Variants in SIMC1 observed in about 807,000 individuals in gnomAD.
The protein encoded by SIMC1 is SUMO interacting motifs containing 1.
Under a neutral mutation model 82.3 loss-of-function variants are expected in SIMC1, and 55 were observed. The ratio of observed to expected loss-of-function variants is 0.67; its 90% confidence interval spans 0.54 to 0.84. The LOEUF is 0.84. Ranked by LOEUF, SIMC1 falls within the 40% of genes least tolerant of loss-of-function variation. The pLI is 0.00. For missense variants in SIMC1, 915 were observed against 1,107.2 expected (o/e 0.83, Z 2.46); for synonymous variants, 353 against 426.3 (o/e 0.83, Z 2.12).
Position 176,290,930 on chromosome 5 carries a change from T to G in SIMC1, c.1406T>G (p.Leu469Arg). 1 of 1,600,044 alleles carries G rather than the reference T, an allele frequency of 6.2e-7. No individual in the cohort carries two copies. The highest frequency in any genetic ancestry group is 8.5e-7 in the Non-Finnish European group (1 of 1,171,986). ...GTTCATCACCTCTTCTTTCAGACGC[T>G]AATACCGGATAAAGACACAAGAGAG... ...PPVHHLFFQT[L>R]IPDKDTRENK... Residue 469 changes from leucine (L) to arginine (R), a missense_variant, in exon 2 of 10, where the codon CTA (leucine) becomes CGA (arginine). Coordinates refer to ENST00000429602, the MANE Select transcript of SIMC1 (RefSeq NM_001308195.2).
At chr5:176,294,370 T>C (rs565127099) in intron 2 of SIMC1, among the ~76,000 whole-genome samples, 19 of 152,218 alleles carry the variant, frequency 1.2e-4, no homozygotes, top group African/African-American at 4.3e-4. Flanking sequence ...GCCTCCACCT[T>C]CCGGGTTTAA....
rs771367375 is a variant in SIMC1 at position 176,290,350 on chromosome 5, C to T, written c.826C>T (p.Pro276Ser). ...AGTGCCATGCCCTCGGCAGAATATC[C>T]CAGGCCCACCTCAAGACTCTCTGGG... ...QEVPCPRQNI[P>S]GPPQDSLGLP... The change falls in exon 2 of 10, where the codon CCA becomes TCA. Residue 276 changes from proline to serine, a missense_variant. This residue lies in a region of SIMC1 where 902 missense variants were observed against 1,040.3 expected (regional missense o/e 0.87). Coordinates refer to ENST00000429602, the MANE Select transcript of SIMC1 (RefSeq NM_001308195.2). 2 of 1,613,954 alleles carry T rather than the reference C, an allele frequency of 1.2e-6. No homozygotes were observed. Among genetic ancestry groups the T allele is most frequent in the South Asian group, 2.2e-5 (2 of 91,074 alleles).
intron 1 of SIMC1, among the ~76,000 whole-genome samples, chr5:176,242,380 A>T (rs1353374139): frequency 2.6e-5 from 4 of 151,886 alleles, no homozygotes; most frequent in Admixed American, 2.6e-4. Flanking sequence ...TTGTGTGCAT[A>T]AATTTTGATA....
intron 1 of SIMC1, among the ~76,000 whole-genome samples, chr5:176,263,958 G>A (rs1324408960): frequency 1.3e-5 from 2 of 152,186 alleles, no homozygotes; most frequent in East Asian, 1.9e-4. Flanking sequence ...GAAAAAAATG[G>A]CCAAAAGAAA....
chr5:176,325,327 A>G (rs1219097259), intron 7 of SIMC1, among the ~76,000 whole-genome samples: 3 of 152,112 alleles, frequency 2.0e-5, no homozygotes, highest in Admixed American at 6.6e-5. Flanking sequence ...TGGAGGTTGC[A>G]GTGAGCTGAG....
In SIMC1 at chr5:176,289,783, G is replaced by A. The variant is rs1306854609; in HGVS notation, c.259G>A (p.Val87Ile). ...IATLDLTLEPVTPSQKEPTSL... is the reference protein window; with the variant it reads ...IATLDLTLEPITPSQKEPTSL... ...CACTCTTGACTTAACTTTAGAACCT[G>A]TCACTCCTTCCCAGAAGGAGCCAAC... The change falls in exon 2 of 10, where the codon GTC (valine) becomes ATC (isoleucine). Residue 87 changes from valine (V) to isoleucine (I), a missense_variant. Coordinates refer to ENST00000429602, the MANE Select transcript of SIMC1 (RefSeq NM_001308195.2). 6.2e-7 allele frequency: 1 copy of A among 1,613,944 alleles called. No individual in the cohort carries two copies. Among genetic ancestry groups the A allele is most frequent in the South Asian group, 1.1e-5 (1 of 91,084 alleles).
At chr5:176,284,726 CAATG>C (rs1763185871) in intron 1 of SIMC1, among the ~76,000 whole-genome samples, 1 of 151,902 alleles carries the variant, frequency 6.6e-6, no homozygotes, top group Non-Finnish European at 1.5e-5. Flanking sequence ...TTCAAAAAAT[CAATG>C]AATCTAGGAG....
At chr5:176,322,018 A>G (rs991119095) in intron 5 of SIMC1, among the ~76,000 whole-genome samples, 3 of 149,366 alleles carry the variant, frequency 2.0e-5, no homozygotes, top group African/African-American at 5.0e-5. Flanking sequence ...CAGCCACCAT[A>G]CCTGGCCTTT....
At chr5:176,288,976 T>A (rs528417173) in intron 1 of SIMC1, among the ~76,000 whole-genome samples, 1 of 152,292 alleles carries the variant, frequency 6.6e-6, no homozygotes, top group South Asian at 2.1e-4. Flanking sequence ...TACTTAGGGC[T>A]CAGACTTACA....
intron 2 of SIMC1, among the ~76,000 whole-genome samples, chr5:176,293,788 T>C (rs1352039493): frequency 4.6e-5 from 7 of 152,002 alleles, no homozygotes; most frequent in African/African-American, 1.7e-4. Context: ...TTTATTGTTA[T>C]TAAACCCTCA....
intron 1 of SIMC1, among the ~76,000 whole-genome samples, chr5:176,282,046 G>GAGGC (rs1248822247): frequency 5.9e-5 from 9 of 152,360 alleles, no homozygotes; most frequent in South Asian, 2.1e-4. Context: ...GGAGCCTACA[G>GAGGC]AGGCAGGCAG....
At chr5:176,325,411 T>C (rs979470235) in intron 7 of SIMC1, among the ~76,000 whole-genome samples, 1 of 149,814 alleles carries the variant, frequency 6.7e-6, no homozygotes, top group African/African-American at 2.5e-5. Context: ...AAAGGCCGGC[T>C]GTGGTGGCTC....
At chr5:176,329,744 T>A (rs1026000810) in intron 7 of SIMC1, among the ~76,000 whole-genome samples, 1 of 152,152 alleles carries the variant, frequency 6.6e-6, no homozygotes, top group Admixed American at 6.5e-5. Flanking sequence ...TCAAAAACGA[T>A]TTTATGTGTA....
chr5:176,256,442 C>G (rs1173096320), intron 1 of SIMC1, among the ~76,000 whole-genome samples: 1 of 152,166 alleles, frequency 6.6e-6, no homozygotes, highest in Non-Finnish European at 1.5e-5. Flanking sequence ...CCATGATATA[C>G]TCAGACCTTC....
At chr5:176,334,989 G>A (rs1257544032) in intron 7 of SIMC1, among the ~76,000 whole-genome samples, 2 of 151,810 alleles carry the variant, frequency 1.3e-5, no homozygotes, top group Non-Finnish European at 2.9e-5. Flanking sequence ...GGCTCAGGAG[G>A]CTGAGGTAGG....
intron 1 of SIMC1, among the ~76,000 whole-genome samples, chr5:176,275,150 C>A (rs878887315): frequency 2.6e-5 from 4 of 151,218 alleles, no homozygotes; most frequent in Non-Finnish European, 4.4e-5. Context: ...CTTTTATTTC[C>A]TTGAGCAGTG....
chr5:176,288,706 A>G (rs2560194), intron 1 of SIMC1, among the ~76,000 whole-genome samples: 9 of 152,154 alleles, frequency 5.9e-5, no homozygotes, highest in African/African-American at 2.2e-4. Context: ...TGGTGCTGTT[A>G]ACAATGGTGA....
intron 4 of SIMC1, among the ~76,000 whole-genome samples, chr5:176,305,132 C>CGGGGGG (rs1764253119): frequency 2.7e-5 from 1 of 36,886 alleles, no homozygotes; most frequent in Admixed American, 2.4e-4. Flanking sequence ...CCGTGCCATC[C>CGGGGGG]AGGAGGGGGG....
chr5:176,288,899 T>G (rs1763419300), intron 1 of SIMC1, among the ~76,000 whole-genome samples: 2 of 152,204 alleles, frequency 1.3e-5, no homozygotes, highest in Non-Finnish European at 2.9e-5. Context: ...ATCATTAGGC[T>G]TTGTGAATAG....
Sources: allele counts gnomAD v4.1 joint callset (sites outside exome capture counted in the v4.1 genomes callset), GRCh38; gene constraint gnomAD v4.1.1; regional missense constraint gnomAD v4.1.1; transcripts MANE v1.5; gene names NCBI Gene and HGNC (gene_info 2026-07-23, HGNC 2026-07-21).